WDR20: variants seen among roughly 807,000 people sequenced by gnomAD.
WDR20 encodes WD repeat-containing protein 20.
WDR20 carries 3 observed loss-of-function variants against 38.7 expected under a neutral mutation model. The ratio of observed to expected loss-of-function variants is 0.08; its 90% CI spans 0.04 to 0.20. WDR20 has a LOEUF of 0.20. Ranked by LOEUF, WDR20 falls within the 10% of genes least tolerant of loss-of-function variation. WDR20 has a pLI of 1.00. For missense variants in WDR20, 559 were observed against 727.7 expected, an observed-to-expected ratio of 0.77 and a Z score of 2.67; for synonymous variants, 298 against 285.6, an observed-to-expected ratio of 1.04 and a Z score of -0.44.
In WDR20 at chr14:102,207,924, A is replaced by C. The variant is rs759628111; in HGVS notation, c.433-679A>C. Among the ~76,000 whole-genome samples the C allele has an allele frequency of 4.0e-4, 61 of 152,222 alleles. No individual in the cohort carries two copies. The highest frequency in any genetic ancestry group is 7.2e-4 in the Non-Finnish European group (49 of 68,042). On this transcript the variant is annotated intron_variant, in intron 2 of 2. Transcript: ENST00000342702. The surrounding 1 kb of genome is among the most constrained non-coding windows in gnomAD (Gnocchi z 5.0). ...ACACTCCCGAATGAATCGTCAGTGTATCTCTCTCAACACCAGCAGAGAGGG... is the reference window on the plus strand; with the variant it reads ...ACACTCCCGAATGAATCGTCAGTGTCTCTCTCTCAACACCAGCAGAGAGGG...
In WDR20 at chr14:102,180,797, T is replaced by C. The variant is rs1276090965; in HGVS notation, c.250-14141T>C. Among the ~76,000 whole-genome samples, 3 of 152,344 alleles carry C rather than the reference T, an allele frequency of 2.0e-5. No individual in the cohort carries two copies. The East Asian group carries it at 5.8e-4, about 29-fold the overall frequency. ...AGCTTTACCCTTTGTCGTAACCATG[T>C]GAGGGGCTGGCCTGCATTTCTTAGC... On this transcript the variant is annotated intron_variant, in intron 1 of 2. Transcript: ENST00000342702.
intron 1 of WDR20, among the ~76,000 whole-genome samples, chr14:102,152,705 G>A (rs548105052): frequency 6.6e-5 from 10 of 152,200 alleles, no homozygotes; most frequent in South Asian, 2.1e-4. Context: ...GTGAGCCACC[G>A]TACCTGGCCC....
chr14:102,189,127 T>C (rs1401487123), intron 1 of WDR20, among the ~76,000 whole-genome samples: 1 of 151,998 alleles, frequency 6.6e-6, no homozygotes, highest in Admixed American at 6.6e-5. Context: ...GGAGAATCAC[T>C]TGAACCCGGG....
At chr14:102,160,553 T>C (rs2058400723) in intron 1 of WDR20, among the ~76,000 whole-genome samples, 1 of 152,106 alleles carries the variant, frequency 6.6e-6, no homozygotes, top group Non-Finnish European at 1.5e-5. Flanking sequence ...AAAGAGAGCT[T>C]CACTCTTTCT....
chr14:102,184,585 C>T (rs551209624), intron 1 of WDR20, among the ~76,000 whole-genome samples: 8 of 152,204 alleles, frequency 5.3e-5, no homozygotes, highest in African/African-American at 1.7e-4. Context: ...ATGCAGAGCT[C>T]CAAAGGAGGG....
intron 1 of WDR20, among the ~76,000 whole-genome samples, chr14:102,183,574 A>G (rs1297344584): frequency 1.3e-5 from 2 of 152,256 alleles, no homozygotes; most frequent in African/African-American, 4.8e-5. Flanking sequence ...AGGGAGAAAC[A>G]GCTAGATATG....
Position 102,209,451 on chromosome 14 carries a change from T to C in WDR20, c.1281T>C (p.Pro427=), listed in dbSNP as rs201404059. ...CAACACCCGGGAACTCTGTGCCGCC[T>C]CCTCTGCCACGGTCCAACAGCCTTC... ...SVTTPGNSVP[P]PLPRSNSLPH... The change falls in exon 3 of 3, where the codon CCT becomes CCC. Residue 427 remains proline (P), a synonymous_variant. Coordinates refer to ENST00000342702, the MANE Select transcript of WDR20 (RefSeq NM_144574.4). The surrounding 1 kb of genome is among the most constrained non-coding windows in gnomAD (Gnocchi z 6.0). The C allele has an allele frequency of 2.5e-6, 4 of 1,614,174 alleles. No individual in the cohort carries two copies. The East Asian group carries it at 8.9e-5, about 36-fold the overall frequency.
At chr14:102,159,553 G>T (rs934486450) in intron 1 of WDR20, among the ~76,000 whole-genome samples, 4 of 152,176 alleles carry the variant, frequency 2.6e-5, no homozygotes, top group African/African-American at 9.7e-5. Context: ...ACTTAATCCA[G>T]CTGGGTGCGG....
chr14:102,139,484 G>C, upstream of WDR20: 1 of 1,408,404 alleles, frequency 7.1e-7, no homozygotes. Context: ...CGCTCTTTGG[G>C]GTCCCGGCGC....
At chr14:102,145,583 G>A (rs545363857) in intron 1 of WDR20, among the ~76,000 whole-genome samples, 40 of 152,162 alleles carry the variant, frequency 2.6e-4, no homozygotes, top group Middle Eastern at 6.8e-3. Flanking sequence ...GTGTGGGTTC[G>A]AGACCAGCCT....
At chr14:102,219,409 C>T (rs1348794929), downstream of WDR20, among the ~76,000 whole-genome samples, 7 of 152,232 alleles carry the variant, frequency 4.6e-5, no homozygotes, top group Admixed American at 4.6e-4. Context: ...CTGTGTCGCA[C>T]CCCCTGCTTC....
At chr14:102,204,188 TC>T (rs1465178945) in intron 2 of WDR20, among the ~76,000 whole-genome samples, 1 of 152,076 alleles carries the variant, frequency 6.6e-6, no homozygotes, top group Admixed American at 6.5e-5. Context: ...GCCCGTCTGT[TC>T]CCCTGGCACT....
intron 1 of WDR20, among the ~76,000 whole-genome samples, chr14:102,191,087 A>G (rs1208558780): frequency 2.6e-5 from 4 of 152,194 alleles, no homozygotes; most frequent in Non-Finnish European, 5.9e-5. Flanking sequence ...TAGCTACCCA[A>G]ATACTTCTGT....
At chr14:102,139,880 G>T (rs1169219366), upstream of WDR20, 3 of 1,597,988 alleles carry the variant, frequency 1.9e-6, no homozygotes, top group South Asian at 1.1e-5. Context: ...TGCGCGGTGG[G>T]CGTGATCCGG....
chr14:102,212,465 C>T (rs143901878), downstream of WDR20: 1,811 of 1,527,466 alleles, frequency 1.2e-3, 33 homozygotes, highest in East Asian at 0.026. Flanking sequence ...CCCTGCAGGG[C>T]GACACCACTC....
intron 1 of WDR20, chr14:102,171,255 CTT>C (rs71468389): frequency 1.7e-5 from 2 of 119,188 alleles, no homozygotes; most frequent in Non-Finnish European, 1.8e-5. Context: ...TGGCCTCTCT[CTT>C]TTTTTTTTTT....
At chr14:102,173,040 TCCTAGA>T (rs947126653) in intron 1 of WDR20, among the ~76,000 whole-genome samples, 12 of 150,860 alleles carry the variant, frequency 8.0e-5, no homozygotes, top group Non-Finnish European at 1.5e-4. Context: ...GCTCCTCACT[TCCTAGA>T]TGGGATGGCA....
chr14:102,211,676 C>G (rs1421488063), downstream of WDR20, among the ~76,000 whole-genome samples: 1 of 152,196 alleles, frequency 6.6e-6, no homozygotes, highest in African/African-American at 2.4e-5. This position sits in a 1 kb window ranked among gnomAD's most constrained non-coding sequence, Gnocchi z 4.2. Flanking sequence ...TGACAGCCAT[C>G]CTTGTGGACA....
At chr14:102,157,401 G>GTGTAAC (rs2057677506) in intron 1 of WDR20, 1 of 152,206 alleles carries the variant, frequency 6.6e-6, no homozygotes, top group Non-Finnish European at 1.5e-5. Context: ...GTCCTGTGAA[G>GTGTAAC]TGTAACTTTT....
Sources: gnomAD v4.1 joint callset for allele counts (sites outside exome capture counted in the v4.1 genomes callset) on GRCh38, gnomAD v4.1.1 for gene constraint, Gnocchi (gnomAD v3.1) non-coding constraint, MANE v1.5 for transcripts, NCBI Gene and HGNC (gene_info 2026-07-23, HGNC 2026-07-21) for gene names.